CDK19: variants seen among roughly 807,000 people sequenced by gnomAD.
The protein encoded by CDK19 is cyclin dependent kinase 19.
CDK19 carries 20 observed loss-of-function variants against 68.3 expected under a neutral mutation model. The ratio of observed to expected loss-of-function variants is 0.29; its 90% CI spans 0.21 to 0.43. The LOEUF (loss-of-function observed/expected upper bound fraction) is 0.43, where lower values mean the gene tolerates loss of function less well. Among genes scored for constraint, CDK19 ranks in the 20% least tolerant of loss-of-function variants. CDK19 has a pLI of 1.00. For missense variants in CDK19, 339 were observed against 623.5 expected, an observed-to-expected ratio of 0.54 and a Z score of 4.86; for synonymous variants, 221 against 222.8, an observed-to-expected ratio of 0.99 and a Z score of 0.07.
chr6:110,716,469 G>T (rs1210427877), intron 2 of CDK19, among the ~76,000 whole-genome samples: 2 of 152,146 alleles, frequency 1.3e-5, no homozygotes, highest in Non-Finnish European at 2.9e-5. Context: ...AGTACACACT[G>T]TATGATCCCA....
chr6:110,790,110 G>A (rs79671910), intron 1 of CDK19, among the ~76,000 whole-genome samples: 2,050 of 152,296 alleles, frequency 0.013, 48 homozygotes, highest in African/African-American at 0.047. Flanking sequence ...GGAAGGCATT[G>A]TATATTTCTG....
chr6:110,622,733 T>C (rs1366050835), intron 10 of CDK19, 82 bp downstream of exon 10: 7 of 856,316 alleles, frequency 8.2e-6, no homozygotes, highest in Non-Finnish European at 1.2e-5. Flanking sequence ...AATACTTCAG[T>C]AGCAAGTGCT....
intron 1 of CDK19, among the ~76,000 whole-genome samples, chr6:110,807,876 T>C (rs1381186417): frequency 6.6e-6 from 1 of 151,672 alleles, no homozygotes; most frequent in East Asian, 2.0e-4. Flanking sequence ...GGCATCATCA[T>C]AGCTCACTAT....
At chr6:110,780,756 GT>G (rs1320766516) in intron 1 of CDK19, among the ~76,000 whole-genome samples, 27 of 152,136 alleles carry the variant, frequency 1.8e-4, no homozygotes, top group African/African-American at 6.5e-4. Context: ...AAAGAAGAAT[GT>G]TCCAAGGTAC....
At chr6:110,625,319 A>G (rs1779019317) in intron 8 of CDK19, among the ~76,000 whole-genome samples, 1 of 152,002 alleles carries the variant, frequency 6.6e-6, no homozygotes, top group South Asian at 2.1e-4. Flanking sequence ...GCATATGCGT[A>G]ATAATTTTTT....
chr6:110,753,985 C>T (rs939126570), intron 1 of CDK19, among the ~76,000 whole-genome samples: 3 of 151,708 alleles, frequency 2.0e-5, no homozygotes, highest in Admixed American at 2.0e-4. Flanking sequence ...TATATTACTA[C>T]ATATCATCAA....
rs57995761 is a variant in CDK19 at position 110,739,796 on chromosome 6, AATTATTATT to A, written c.204+6321_204+6329del. On this transcript the variant is annotated intron_variant, in intron 2 of 12. Coordinates refer to ENST00000368911, the MANE Select transcript of CDK19 (RefSeq NM_015076.5). ...CAGGTGAGTGCCACTATGCCCAGCTAATTATTATTATTATTATTATTATTATAGAGACAG... is the reference window on the plus strand; with the variant it reads ...CAGGTGAGTGCCACTATGCCCAGCTAATTATTATTATTATTATAGAGACAG... 2.7e-5 allele frequency among the ~76,000 whole-genome samples: 4 copies of A among 147,408 alleles called. No individual in the cohort carries two copies. The Admixed American group carries it at 2.7e-4, about 10-fold the overall frequency.
intron 1 of CDK19, among the ~76,000 whole-genome samples, chr6:110,760,469 T>C (rs1162334395): frequency 2.0e-5 from 3 of 149,420 alleles, no homozygotes; most frequent in Non-Finnish European, 4.4e-5. Flanking sequence ...GGCTCATGCC[T>C]GTTAATTCAA....
chr6:110,789,556 C>T (rs941802592), intron 1 of CDK19, among the ~76,000 whole-genome samples: 1 of 152,026 alleles, frequency 6.6e-6, no homozygotes, highest in African/African-American at 2.4e-5. Context: ...GGATTACAGG[C>T]GTGAGCCACC....
chr6:110,700,404 G>C (rs1773888192), intron 2 of CDK19, among the ~76,000 whole-genome samples: 1 of 152,134 alleles, frequency 6.6e-6, no homozygotes, highest in African/African-American at 2.4e-5. Flanking sequence ...AAAAAGGTTG[G>C]GGACTGCTAG....
At chr6:110,802,568 G>A (rs1782417051) in intron 1 of CDK19, among the ~76,000 whole-genome samples, 1 of 152,170 alleles carries the variant, frequency 6.6e-6, no homozygotes. Flanking sequence ...GCTGCCTACT[G>A]GGTACTATGT....
intron 4 of CDK19, chr6:110,646,417 G>C: frequency 4.7e-6 from 7 of 1,494,328 alleles, no homozygotes; most frequent in Non-Finnish European, 4.4e-6. Flanking sequence ...GCGGCGACAT[G>C]GCCTTCCCGC....
At chr6:110,794,223 T>G (rs577508708) in intron 1 of CDK19, among the ~76,000 whole-genome samples, 1 of 150,842 alleles carries the variant, frequency 6.6e-6, no homozygotes, top group South Asian at 2.1e-4. Context: ...CTTTTGTATT[T>G]TTAGTAGAGA....
At chr6:110,697,994 A>G (rs1773631527) in intron 2 of CDK19, among the ~76,000 whole-genome samples, 1 of 152,184 alleles carries the variant, frequency 6.6e-6, no homozygotes, top group East Asian at 1.9e-4. Context: ...CTCATCTCTT[A>G]CCTTATACAG....
At chr6:110,744,979 A>G (rs1478056480) in intron 2 of CDK19, among the ~76,000 whole-genome samples, 1 of 152,204 alleles carries the variant, frequency 6.6e-6, no homozygotes. Context: ...TAGAGAGAGA[A>G]ATCCCTAATG....
At chr6:110,783,142 T>C (rs773623204) in intron 1 of CDK19, among the ~76,000 whole-genome samples, 2 of 152,142 alleles carry the variant, frequency 1.3e-5, no homozygotes, top group African/African-American at 2.4e-5. Flanking sequence ...ACACTTTGCA[T>C]CCATAGCCTG....
chr6:110,743,641 C>T (rs939409451), intron 2 of CDK19, among the ~76,000 whole-genome samples: 1 of 151,418 alleles, frequency 6.6e-6, no homozygotes, highest in Non-Finnish European at 1.5e-5. Flanking sequence ...GATTCTGTCT[C>T]CTACAAAAAA....
chr6:110,642,754 G>T (rs1297821555), intron 4 of CDK19, among the ~76,000 whole-genome samples: 1 of 151,922 alleles, frequency 6.6e-6, no homozygotes, highest in African/African-American at 2.4e-5. Flanking sequence ...AGGTGTTCAA[G>T]GCCAGGCTGG....
chr6:110,656,072 A>G (rs890379521), intron 4 of CDK19, among the ~76,000 whole-genome samples: 3 of 152,120 alleles, frequency 2.0e-5, no homozygotes, highest in African/African-American at 7.2e-5. Context: ...ATCCTTTCCT[A>G]TTCAGCTCAG....
Sources: gnomAD v4.1 joint callset for allele counts (sites outside exome capture counted in the v4.1 genomes callset) on GRCh38, gnomAD v4.1.1 for gene constraint, MANE v1.5 for transcripts, NCBI Gene and HGNC (gene_info 2026-07-23, HGNC 2026-07-21) for gene names.